MICAL3: variants seen among roughly 807,000 people sequenced by gnomAD.
MICAL3 encodes the protein [F-actin]-monooxygenase MICAL3.
Under a neutral mutation model 207.4 loss-of-function variants are expected in MICAL3, and 62 were observed. That is an observed-to-expected ratio of 0.30 (90% CI 0.24 to 0.37). MICAL3 has a LOEUF of 0.37. Among genes scored for constraint, MICAL3 ranks in the 10% least tolerant of loss-of-function variants. The pLI is 1.00. For missense variants in MICAL3, 2,368 were observed against 2,635.6 expected (o/e 0.90, Z 2.22); for synonymous variants, 1,077 against 1,069.3 (o/e 1.01, Z -0.14).
rs548950494 is a variant in MICAL3, at chr22:17,830,788, C to G, written c.3055+1066G>C. ...ACTGGGAGAGCAGGTCCTTAGGGAG[C>G]CCGAGGAAGTCCCTGACGCCAGCTG... On this transcript the variant is annotated intron_variant, in intron 21 of 31. Transcript: ENST00000441493. Among the ~76,000 whole-genome samples the G allele has an allele frequency of 3.8e-3, 574 of 152,326 alleles. 6 individuals carry two copies. Among genetic ancestry groups the G allele is most frequent in the African/African-American group, 0.013 (553 of 41,580 alleles).
At chr22:17,851,919 G>A (rs999583634) in intron 19 of MICAL3, among the ~76,000 whole-genome samples, 7 of 152,198 alleles carry the variant, frequency 4.6e-5, no homozygotes, top group South Asian at 2.1e-4. Context: ...GACACGTGGC[G>A]GGTGAAGGGC....
Position 17,841,912 on chromosome 22 carries a change from T to C in MICAL3, c.2711A>G (p.Glu904Gly). Residue 904 changes from glutamate (E) to glycine (G), a missense_variant, in exon 20 of 32, where the codon GAG (glutamate) becomes GGG (glycine). Around this residue, in one of 4 missense-constraint regions of MICAL3, gnomAD observed 1,770 missense variants for 1,863.2 expected, o/e 0.95. Transcript: ENST00000441493. This position sits in a 1 kb window ranked among gnomAD's most constrained non-coding sequence, Gnocchi z 4.2. ...ENYRLSLRQA[E>G]ALQEVPEETQ... is the part of the protein sequence containing the mutation. ...CTCCTCCGGTACCTCCTGCAGTGCC[T>C]CAGCCTGCCTCAGGGACAGGCGGTA... 6.3e-7 allele frequency: 1 copy of C among 1,593,072 alleles called. No individual in the cohort carries two copies.
chr22:17,998,708 G>C (rs900142593), intron 1 of MICAL3, among the ~76,000 whole-genome samples: 1 of 151,808 alleles, frequency 6.6e-6, no homozygotes, highest in Non-Finnish European at 1.5e-5. Flanking sequence ...TTACAGGCGC[G>C]CACCACCACG....
At chr22:17,848,075 A>G (rs1319814825) in intron 19 of MICAL3, among the ~76,000 whole-genome samples, 1 of 152,222 alleles carries the variant, frequency 6.6e-6, no homozygotes, top group Non-Finnish European at 1.5e-5. Flanking sequence ...CTGAACCGCA[A>G]CGTCTCAGGG....
chr22:17,908,462 C>T (rs1421316792), intron 1 of MICAL3, among the ~76,000 whole-genome samples: 2 of 152,174 alleles, frequency 1.3e-5, no homozygotes, highest in African/African-American at 4.8e-5. Flanking sequence ...CACCCGCCAC[C>T]ACGCCCGGCT....
intron 1 of MICAL3, among the ~76,000 whole-genome samples, chr22:17,930,885 G>T: frequency 6.6e-6 from 1 of 152,218 alleles, no homozygotes; most frequent in African/African-American, 2.4e-5. Context: ...TCTTCCTCAC[G>T]CTGGCCCTGC....
At chr22:17,922,964 T>C (rs1174854389) in intron 1 of MICAL3, among the ~76,000 whole-genome samples, 1 of 152,186 alleles carries the variant, frequency 6.6e-6, no homozygotes, top group Non-Finnish European at 1.5e-5. Context: ...TAAAAGAGTA[T>C]GGGACTTAGG....
intron 1 of MICAL3, among the ~76,000 whole-genome samples, chr22:17,922,519 G>A (rs1217170097): frequency 6.6e-6 from 1 of 152,140 alleles, no homozygotes; most frequent in Non-Finnish European, 1.5e-5. Context: ...GTTGTTTTCT[G>A]TTCACATTCC....
intron 1 of MICAL3, among the ~76,000 whole-genome samples, chr22:17,973,964 T>C (rs993217731): frequency 2.0e-5 from 3 of 152,074 alleles, no homozygotes; most frequent in Admixed American, 6.6e-5. Context: ...AAAAAACAAG[T>C]CCCCTGAGCT....
chr22:17,863,850 ACTC>A lies in MICAL3; in HGVS notation c.2605+1046_2605+1048del, dbSNP rs1014075112. On this transcript the variant is annotated intron_variant, in intron 19 of 31. Transcript: ENST00000441493. ...TCCCACCATGGAAATTCTATGACCA[ACTC>A]CTCCTCCACATTTCCTGGCACTGGC... is the stretch of plus-strand genomic sequence containing the variant. 1.9e-5 allele frequency: 19 copies of A among 985,112 alleles called. No individual in the cohort carries two copies. In the African/African-American group the frequency reaches 3.2e-4, roughly 16 times the overall value. The allele number at this position is 985,112 out of a possible 1,614,324, so 61.0% of individuals were successfully genotyped here. A position where few individuals can be genotyped will look rare whatever the true frequency, so the allele number is the denominator to read the frequency against.
At chr22:17,809,911 T>C (rs1022825518) in intron 28 of MICAL3, among the ~76,000 whole-genome samples, 3 of 151,978 alleles carry the variant, frequency 2.0e-5, no homozygotes, top group Admixed American at 6.5e-5. Context: ...TTTTATGAGA[T>C]GGAGGCTCGC....
intron 1 of MICAL3, among the ~76,000 whole-genome samples, chr22:17,965,414 A>G (rs1306415569): frequency 6.6e-6 from 1 of 152,198 alleles, no homozygotes; most frequent in Admixed American, 6.5e-5. Flanking sequence ...CTTACCACAC[A>G]TCAGAGAGTC....
intron 29 of MICAL3, chr22:17,803,952 CAAT>C (rs1158390419): frequency 9.2e-6 from 5 of 543,578 alleles, no homozygotes; most frequent in African/African-American, 6.2e-5. Context: ...ATGGAGCAAT[CAAT>C]GATATGGAGC....
At chr22:17,870,409 C>T (rs555507557) in intron 17 of MICAL3, among the ~76,000 whole-genome samples, 25 of 152,174 alleles carry the variant, frequency 1.6e-4, no homozygotes, top group Non-Finnish European at 2.8e-4. Flanking sequence ...ACACTCGTGT[C>T]GCCTGCTACT....
chr22:17,939,496 C>A (rs948162192), intron 1 of MICAL3, among the ~76,000 whole-genome samples: 1 of 152,140 alleles, frequency 6.6e-6, no homozygotes, highest in Admixed American at 6.5e-5. Flanking sequence ...TGCCATCCCC[C>A]TAGGAGGCCA....
At chr22:17,833,492 C>G (rs1602005081) in intron 20 of MICAL3, among the ~76,000 whole-genome samples, 1 of 152,208 alleles carries the variant, frequency 6.6e-6, no homozygotes, top group South Asian at 2.1e-4. Flanking sequence ...GAGGGCGAAC[C>G]AGTAAATACA....
In MICAL3 at chr22:17,803,908, C is replaced by T. The variant is rs1261144855; in HGVS notation, c.5650+4936G>A. The T allele has an allele frequency of 1.4e-5, 12 of 874,504 alleles. No homozygotes were observed. In the Admixed American group the frequency reaches 6.8e-4, roughly 50 times the overall value. 54.2% of individuals were successfully genotyped at this position (874,504 alleles called of 1,614,324 possible). A position where few individuals can be genotyped will look rare whatever the true frequency, so the allele number is the denominator to read the frequency against. The stretch of plus-strand genomic sequence containing the variant: ...GAGAGAGTTATTCCATCAGGTAGTC[C>T]TCCTGTCCCCCCATACCCAATCAAT... On this transcript the variant is annotated intron_variant, in intron 29 of 31. Transcript: ENST00000441493.
intron 16 of MICAL3, chr22:17,875,453 G>A (rs1165882447): frequency 3.2e-6 from 5 of 1,559,116 alleles, no homozygotes; most frequent in Non-Finnish European, 3.5e-6. Context: ...CTACCTGTCG[G>A]AGGGAGTCGG....
At chr22:17,803,951 T>C in intron 29 of MICAL3, 1 of 546,334 alleles carries the variant, frequency 1.8e-6, no homozygotes, top group Non-Finnish European at 2.3e-6. Flanking sequence ...TATGGAGCAA[T>C]CAATGATATG....
Sources: allele counts gnomAD v4.1 joint callset (sites outside exome capture counted in the v4.1 genomes callset), GRCh38; gene constraint gnomAD v4.1.1; regional missense constraint gnomAD v4.1.1; non-coding constraint Gnocchi (gnomAD v3.1); transcripts MANE v1.5; gene names NCBI Gene and HGNC (gene_info 2026-07-23, HGNC 2026-07-21).